Variants in MARCHF1 observed in about 807,000 individuals in gnomAD.
MARCHF1 encodes E3 ubiquitin-protein ligase MARCHF1.
Under a neutral mutation model 54.2 loss-of-function variants are expected in MARCHF1, and 40 were observed. The observed-to-expected ratio is 0.74, with a 90% CI of 0.57 to 0.96. The LOEUF is 0.96. Among genes scored for constraint, MARCHF1 ranks in the 40% least tolerant of loss-of-function variants. The pLI is 0.00. For missense variants in MARCHF1, 586 were observed against 656.5 expected (o/e 0.89, Z 1.17); for synonymous variants, 236 against 236.3 (o/e 1.00, Z 0.01).
At chr4:163,643,138 C>A (rs970833759) in intron 5 of MARCHF1, among the ~76,000 whole-genome samples, 4 of 143,324 alleles carry the variant, frequency 2.8e-5, no homozygotes, top group African/African-American at 5.2e-5. Context: ...CATGGTAAAA[C>A]CCTGTATCTA....
intron 1 of MARCHF1, among the ~76,000 whole-genome samples, chr4:164,179,536 T>C (rs1471010227): frequency 6.6e-6 from 1 of 152,146 alleles, no homozygotes; most frequent in African/African-American, 2.4e-5. Flanking sequence ...AAAATACAAT[T>C]TGCCTAATTA....
At chr4:163,848,615 C>T (rs904640606) in intron 4 of MARCHF1, among the ~76,000 whole-genome samples, 5 of 151,994 alleles carry the variant, frequency 3.3e-5, no homozygotes, top group East Asian at 1.9e-4. Flanking sequence ...AGGGTATAGT[C>T]GGTATAAGAT....
chr4:163,805,479 A>C (rs1748201449), intron 4 of MARCHF1, among the ~76,000 whole-genome samples: 2 of 152,210 alleles, frequency 1.3e-5, no homozygotes, highest in African/African-American at 4.8e-5. Flanking sequence ...GTAGCAAAGC[A>C]AAATTTGGCA....
At chr4:163,687,253 C>T (rs1263193215) in intron 5 of MARCHF1, among the ~76,000 whole-genome samples, 4 of 150,566 alleles carry the variant, frequency 2.7e-5, no homozygotes, top group Non-Finnish European at 5.9e-5. Flanking sequence ...TTTGAGATGC[C>T]GTCTTGCTCT....
chr4:163,937,419 A>G (rs1033157369), intron 3 of MARCHF1, among the ~76,000 whole-genome samples: 3 of 151,922 alleles, frequency 2.0e-5, no homozygotes, highest in South Asian at 4.1e-4. Context: ...CTTGGAAAAA[A>G]GGAATGAACT....
chr4:163,940,141 C>T (rs373836608), intron 3 of MARCHF1, among the ~76,000 whole-genome samples: 2 of 152,068 alleles, frequency 1.3e-5, no homozygotes, highest in Non-Finnish European at 2.9e-5. Context: ...AGGAAGAGTG[C>T]CCTTACTAGA....
At chr4:164,164,829 A>G (rs1290033469) in intron 1 of MARCHF1, among the ~76,000 whole-genome samples, 1 of 152,190 alleles carries the variant, frequency 6.6e-6, no homozygotes, top group Middle Eastern at 3.4e-3. Flanking sequence ...AGGTAAATCT[A>G]TCATGGTGGT....
chr4:164,040,722 T>C (rs1754111088), intron 2 of MARCHF1, among the ~76,000 whole-genome samples: 1 of 151,950 alleles, frequency 6.6e-6, no homozygotes, highest in South Asian at 2.1e-4. Flanking sequence ...CAAAATATTA[T>C]TTTGTTCAAC....
At chr4:163,782,499 C>T (rs150375563) in intron 4 of MARCHF1, among the ~76,000 whole-genome samples, 4 of 151,786 alleles carry the variant, frequency 2.6e-5, no homozygotes, top group East Asian at 1.9e-4. Context: ...AGTGAAACCC[C>T]GTCTCTACAA....
At chr4:163,677,786 A>G (rs1743966100) in intron 5 of MARCHF1, among the ~76,000 whole-genome samples, 1 of 152,198 alleles carries the variant, frequency 6.6e-6, no homozygotes. Flanking sequence ...AGTGCTGGAC[A>G]CACACTACAT....
chr4:164,174,910 TTTTG>T (rs1228441371), intron 1 of MARCHF1, among the ~76,000 whole-genome samples: 3 of 152,248 alleles, frequency 2.0e-5, no homozygotes, highest in African/African-American at 7.2e-5. Context: ...TTTTGTTTTG[TTTTG>T]TTTTTCATAA....
In MARCHF1 at chr4:163,528,945, A is replaced by G; in HGVS notation, c.1441T>C (p.Leu481=). 1 of 1,613,312 alleles carries G rather than the reference A, an allele frequency of 6.2e-7. No individual in the cohort carries two copies. Among genetic ancestry groups the G allele is most frequent in the Non-Finnish European group, 8.5e-7 (1 of 1,179,566 alleles). Residue 481 remains leucine, a synonymous_variant, in exon 10 of 10, where the codon TTG becomes CTG. Coordinates refer to ENST00000514618, the MANE Select transcript of MARCHF1 (RefSeq NM_001394959.1). Reference sequence around the variant, plus strand: ...TTGTAGGCCTTCAGCCTGCGCCACAACTGAACATAGACTTTACACTGTACG... The same window carrying G: ...TTGTAGGCCTTCAGCCTGCGCCACAGCTGAACATAGACTTTACACTGTACG... ...MYVQCKVYVQ[L]WRRLKAYNRV... is the part of the protein sequence containing the mutation.
At chr4:164,128,042 T>C (rs1022764948) in intron 1 of MARCHF1, among the ~76,000 whole-genome samples, 1 of 152,206 alleles carries the variant, frequency 6.6e-6, no homozygotes, top group Admixed American at 6.5e-5. Flanking sequence ...GACTCATCAA[T>C]ATAATTCTGA....
At position 164,356,274 on chromosome 4, in the gene MARCHF1, C is replaced by T. The variant is rs914798682; in HGVS notation, c.-323+27596G>A. ...AGCCATCCCATTACTGGGTATATAC[C>T]CAAATGACTATAAATCATGCTGCTA... On this transcript the variant is annotated intron_variant, in intron 1 of 9. Coordinates refer to ENST00000514618, the MANE Select transcript of MARCHF1 (RefSeq NM_001394959.1). Among the ~76,000 whole-genome samples, 3 of 118,462 alleles carry T rather than the reference C, an allele frequency of 2.5e-5. 1 individual carries two copies. The highest frequency in any genetic ancestry group is 8.4e-5 in the African/African-American group (3 of 35,672). 77.7% of individuals were successfully genotyped at this position (118,462 alleles called of 152,430 possible). A position where few individuals can be genotyped will look rare whatever the true frequency, so the allele number is the denominator to read the frequency against.
At chr4:163,728,127 T>C (rs1745718234) in intron 4 of MARCHF1, among the ~76,000 whole-genome samples, 1 of 152,224 alleles carries the variant, frequency 6.6e-6, no homozygotes, top group African/African-American at 2.4e-5. Context: ...TACAGGCGCA[T>C]GCCACCACAC....
chr4:164,250,697 G>A (rs938526536), intron 1 of MARCHF1, among the ~76,000 whole-genome samples: 1 of 151,936 alleles, frequency 6.6e-6, no homozygotes, highest in African/African-American at 2.4e-5. Flanking sequence ...GCTTGGATCT[G>A]TTACAACTAA....
intron 2 of MARCHF1, among the ~76,000 whole-genome samples, chr4:164,046,146 A>G (rs945706269): frequency 6.6e-6 from 1 of 152,240 alleles, no homozygotes; most frequent in South Asian, 2.1e-4. Context: ...GGGTTGCATT[A>G]GGAGAGGAAC....
intron 9 of MARCHF1, among the ~76,000 whole-genome samples, chr4:163,545,211 T>G (rs1176588425): frequency 6.6e-6 from 1 of 152,180 alleles, no homozygotes; most frequent in Non-Finnish European, 1.5e-5. Context: ...TCCTTCATGC[T>G]TTAAAGGAGA....
intron 5 of MARCHF1, among the ~76,000 whole-genome samples, chr4:163,669,801 G>C (rs1355211897): frequency 6.6e-6 from 1 of 152,032 alleles, no homozygotes; most frequent in Admixed American, 6.6e-5. Flanking sequence ...GTTTCACCAT[G>C]TTAGCCAGGG....
Sources: allele counts gnomAD v4.1 joint callset (sites outside exome capture counted in the v4.1 genomes callset), GRCh38; gene constraint gnomAD v4.1.1; transcripts MANE v1.5; gene names NCBI Gene and HGNC (gene_info 2026-07-23, HGNC 2026-07-21).